The following FAM228B variants were observed in gnomAD, a reference collection of about 807,000 sequenced individuals.
FAM228B encodes the protein family with sequence similarity 228 member B.
A neutral mutation model predicts 42.6 loss-of-function variants in FAM228B; 38 were observed. That is an observed-to-expected ratio of 0.89 (90% confidence interval 0.69 to 1.17). The LOEUF is 1.17. Ranked by LOEUF, FAM228B falls within the 50% of genes most tolerant of loss-of-function variation. The pLI is 0.00. For synonymous variants in FAM228B, 109 were observed against 122.3 expected, an observed-to-expected ratio of 0.89 and a Z score of 0.72; for missense variants, 344 against 367.3, an observed-to-expected ratio of 0.94 and a Z score of 0.52.
intron 2 of FAM228B, among the ~76,000 whole-genome samples, chr2:24,092,152 G>C (rs1033925703): frequency 1.4e-5 from 2 of 146,920 alleles, no homozygotes; most frequent in Non-Finnish European, 3.0e-5. Context: ...CATGGGCCTG[G>C]CAGGCAGAGG....
intron 4 of FAM228B, among the ~76,000 whole-genome samples, chr2:24,139,013 T>A (rs1265286956): frequency 6.6e-6 from 1 of 152,208 alleles, no homozygotes; most frequent in Non-Finnish European, 1.5e-5. Context: ...ATATTTTTCT[T>A]TTGTTCTGGA....
At chr2:24,079,233 A>G in intron 1 of FAM228B, 1 of 565,982 alleles carries the variant, frequency 1.8e-6, no homozygotes, top group Non-Finnish European at 3.1e-6. Flanking sequence ...GTGAAGTATC[A>G]GCTACACTTC....
chr2:24,099,083 T>C (rs1036949253), intron 3 of FAM228B, among the ~76,000 whole-genome samples: 3 of 152,124 alleles, frequency 2.0e-5, no homozygotes, highest in African/African-American at 4.8e-5. Context: ...AATTCAACAG[T>C]GCTTCATGCT....
At position 24,092,523 on chromosome 2, in the gene FAM228B, C is replaced by T. The variant is rs193241386; in HGVS notation, c.-209-2618C>T. On this transcript the variant is annotated intron_variant, in intron 2 of 10. Transcript: ENST00000613899. ...CTGGGAGGCAGAGGTTGCAGTGAGCCGAGATCGCGCCCTGCACTCCAGCCT... is the reference window on the plus strand; with the variant it reads ...CTGGGAGGCAGAGGTTGCAGTGAGCTGAGATCGCGCCCTGCACTCCAGCCT... Among the ~76,000 whole-genome samples, 158 of 150,110 alleles carry T rather than the reference C, an allele frequency of 1.1e-3. 1 individual carries two copies. The highest frequency in any genetic ancestry group is 3.7e-3 in the Middle Eastern group (1 of 272).
At chr2:24,098,978 A>T (rs1665555715) in intron 3 of FAM228B, among the ~76,000 whole-genome samples, 1 of 152,230 alleles carries the variant, frequency 6.6e-6, no homozygotes, top group African/African-American at 2.4e-5. Context: ...CTGGTTCAAC[A>T]TACACAAATC....
At chr2:24,135,270 T>C in intron 3 of FAM228B, 83 bp downstream of exon 3, 8 of 759,012 alleles carry the variant, frequency 1.1e-5, no homozygotes, top group Non-Finnish European at 1.5e-5. Flanking sequence ...CTATAAAAAC[T>C]ATTTAGAAAA....
intron 2 of FAM228B, among the ~76,000 whole-genome samples, chr2:24,081,810 C>T (rs1230790592): frequency 6.6e-6 from 1 of 151,736 alleles, no homozygotes; most frequent in Non-Finnish European, 1.5e-5. Flanking sequence ...ATTCTCTTGC[C>T]TCAGCTTCCT....
chr2:24,154,799 T>C (rs1433056176), intron 7 of FAM228B, among the ~76,000 whole-genome samples: 3 of 152,326 alleles, frequency 2.0e-5, no homozygotes, highest in Admixed American at 6.5e-5. Flanking sequence ...TCTGGCCTTT[T>C]TTTGCCCTTG....
intron 7 of FAM228B, among the ~76,000 whole-genome samples, chr2:24,151,642 A>G (rs1167934509): frequency 2.9e-5 from 4 of 139,870 alleles, no homozygotes; most frequent in Admixed American, 2.2e-4. Context: ...CTCATTAGCT[A>G]TCATTAATGT....
chr2:24,084,390 ACAGGG>A lies in FAM228B; in HGVS notation c.-210+3445_-210+3449del. On this transcript the variant is annotated intron_variant, in intron 2 of 10. Transcript: ENST00000613899. This position sits in a 1 kb window ranked among gnomAD's most constrained non-coding sequence, Gnocchi z 8.4. ...ACAGGGCAGGGCAGGGCAGGACAGG[ACAGGG>A]CAGGGCAGGACAGGACAGGGCAGGG... is the stretch of plus-strand genomic sequence containing the variant. 2 of 1,159,512 alleles carry A rather than the reference ACAGGG, an allele frequency of 1.7e-6. No individual in the cohort carries two copies. The highest frequency in any genetic ancestry group is 2.0e-5 in the Admixed American group (1 of 49,728). 71.8% of individuals were successfully genotyped at this position (1,159,512 alleles called of 1,614,324 possible).
intron 3 of FAM228B, 133 bp from the exon 4 acceptor site, chr2:24,137,776 C>T (rs1157054928): frequency 2.3e-5 from 14 of 610,862 alleles, no homozygotes; most frequent in Non-Finnish European, 3.1e-5. Context: ...GCCAAAGAAA[C>T]GATTGAATTA....
At chr2:24,167,956 G>A (rs942109154) in intron 10 of FAM228B, 7 of 379,698 alleles carry the variant, frequency 1.8e-5, no homozygotes, top group Middle Eastern at 8.1e-4. Context: ...ATTTCTCACC[G>A]GATTTCTTTT....
chr2:24,153,388 G>T (rs927579591), intron 7 of FAM228B, among the ~76,000 whole-genome samples: 1 of 152,138 alleles, frequency 6.6e-6, no homozygotes, highest in Non-Finnish European at 1.5e-5. Flanking sequence ...AGGGCCCAAG[G>T]GCTCCTTAGT....
intron 2 of FAM228B, among the ~76,000 whole-genome samples, chr2:24,091,785 T>C (rs1226858681): frequency 1.3e-5 from 2 of 152,260 alleles, no homozygotes; most frequent in East Asian, 3.9e-4. Flanking sequence ...TAGATGAGAA[T>C]ACAGTACCCA....
intron 3 of FAM228B, 103 bp downstream of exon 3, chr2:24,135,290 A>C (rs12329043): frequency 0.13 from 83,717 of 668,784 alleles, 5,826 homozygotes; most frequent in South Asian, 0.17. Context: ...ATATGGAAAA[A>C]AGAATTAAAA....
At chr2:24,164,156 G>A (rs1317772422) in intron 8 of FAM228B, 42 bp from the exon 9 acceptor site, 2 of 1,499,452 alleles carry the variant, frequency 1.3e-6, no homozygotes, top group East Asian at 5.1e-5. Context: ...CAGTTGAGTT[G>A]AGAGTTAAGA....
chr2:24,120,916 G>A (rs186579927), upstream of FAM228B, among the ~76,000 whole-genome samples: 4 of 151,320 alleles, frequency 2.6e-5, no homozygotes, highest in South Asian at 8.4e-4. Flanking sequence ...ATGAAGGTGG[G>A]ACTGTATTGG....
In FAM228B at chr2:24,077,718, G is replaced by GGCA. The variant is rs778830117; in HGVS notation, c.-290+751_-290+753dup. Reference sequence around the variant, plus strand: ...TTGGGGGCCCTCCGTGGAGAAGTGAGGCAGAATTTGCTCCGTGAAAGCATT... The same window carrying GGCA: ...TTGGGGGCCCTCCGTGGAGAAGTGAGGCAGCAGAATTTGCTCCGTGAAAGCATT... On this transcript the variant is annotated intron_variant, in intron 1 of 10. Coordinates refer to the FAM228B transcript ENST00000613899. This position sits in a 1 kb window ranked among gnomAD's most constrained non-coding sequence, Gnocchi z 5.5. The GGCA allele has an allele frequency of 1.3e-5, 21 of 1,613,906 alleles. No homozygotes were observed. The highest frequency in any genetic ancestry group is 1.8e-5 in the Non-Finnish European group (21 of 1,179,960).
At chr2:24,126,436 G>A (rs984253254) in intron 2 of FAM228B, among the ~76,000 whole-genome samples, 1 of 152,094 alleles carries the variant, frequency 6.6e-6, no homozygotes, top group Non-Finnish European at 1.5e-5. Context: ...TTTCCTTAAT[G>A]ACTGATTATG....
Sources: gnomAD v4.1 joint callset for allele counts (sites outside exome capture counted in the v4.1 genomes callset) on GRCh38, gnomAD v4.1.1 for gene constraint, Gnocchi (gnomAD v3.1) non-coding constraint, MANE v1.5 for transcripts, NCBI Gene and HGNC (gene_info 2026-07-23, HGNC 2026-07-21) for gene names.